PPP1R12A: variants seen among roughly 807,000 people sequenced by gnomAD.
The protein encoded by PPP1R12A is myosin binding subunit.
Under a neutral mutation model 139.6 loss-of-function variants are expected in PPP1R12A, and 19 were observed. The ratio of observed to expected loss-of-function variants is 0.14; its 90% CI spans 0.09 to 0.20. The LOEUF (loss-of-function observed/expected upper bound fraction) is 0.20, where lower values mean the gene tolerates loss of function less well. Ranked by LOEUF, PPP1R12A falls within the 10% of genes least tolerant of loss-of-function variation. The pLI, the probability that PPP1R12A is intolerant of heterozygous loss-of-function variation, is 1.00. For missense variants in PPP1R12A, 925 were observed against 1,211.5 expected, an observed-to-expected ratio of 0.76 and a Z score of 3.51; for synonymous variants, 427 against 420.6, an observed-to-expected ratio of 1.02 and a Z score of -0.19.
At chr12:79,866,374 A>C (rs1385699759) in intron 2 of PPP1R12A, among the ~76,000 whole-genome samples, 2 of 152,246 alleles carry the variant, frequency 1.3e-5, no homozygotes, top group East Asian at 1.9e-4. Context: ...AAATTCTAGA[A>C]GAAAACCTGG....
chr12:79,845,429 C>T lies in PPP1R12A; in HGVS notation c.369-9G>A. On this transcript the variant is annotated splice_polypyrimidine_tract_variant and intron_variant, in intron 2 of 24. Coordinates refer to ENST00000450142, the MANE Select transcript of PPP1R12A (RefSeq NM_002480.3). ...CTTGACCAATCAAAAACCTGTAAAA[C>T]CAAAGGAAAAATAGTTAAGCAAAAG... The T allele has an allele frequency of 6.4e-7, 1 of 1,570,832 alleles. No individual in the cohort carries two copies.
chr12:79,892,653 A>C (rs1037142981), intron 1 of PPP1R12A, among the ~76,000 whole-genome samples: 23 of 152,284 alleles, frequency 1.5e-4, no homozygotes, highest in African/African-American at 4.6e-4. Context: ...CAAAAGGGGA[A>C]GTAATAGGGC....
At chr12:79,794,848 TATAAAC>T (rs1403088342) in intron 18 of PPP1R12A, among the ~76,000 whole-genome samples, 1 of 152,108 alleles carries the variant, frequency 6.6e-6, no homozygotes, top group African/African-American at 2.4e-5. Flanking sequence ...AGATATATCT[TATAAAC>T]ATAACAGTTA....
intron 19 of PPP1R12A, 23 bp from the exon 20 acceptor site, chr12:79,790,506 A>G (rs1414607858): frequency 7.3e-7 from 1 of 1,377,142 alleles, no homozygotes; most frequent in South Asian, 1.5e-5. Context: ...AGAAAAACAT[A>G]GGCATACTAA....
intron 1 of PPP1R12A, among the ~76,000 whole-genome samples, chr12:79,908,773 T>C (rs1270055543): frequency 1.3e-5 from 2 of 152,184 alleles, no homozygotes. Flanking sequence ...AGTGTTCAGA[T>C]AAAGTTATTT....
chr12:79,834,216 A>G (rs1053339548), intron 3 of PPP1R12A, among the ~76,000 whole-genome samples: 1 of 152,202 alleles, frequency 6.6e-6, no homozygotes, highest in African/African-American at 2.4e-5. Flanking sequence ...TTCTTTGATG[A>G]CATTACAAGA....
At chr12:79,853,423 G>C (rs1880283630) in intron 2 of PPP1R12A, among the ~76,000 whole-genome samples, 1 of 152,098 alleles carries the variant, frequency 6.6e-6, no homozygotes, top group Non-Finnish European at 1.5e-5. Flanking sequence ...CCACCTTTCA[G>C]AGTCTTCTTG....
At chr12:79,882,272 A>G (rs1262315205) in intron 1 of PPP1R12A, among the ~76,000 whole-genome samples, 1 of 152,220 alleles carries the variant, frequency 6.6e-6, no homozygotes, top group Non-Finnish European at 1.5e-5. Context: ...AGAATTCACT[A>G]TTCTACATGC....
At position 79,906,540 on chromosome 12, in the gene PPP1R12A, G is replaced by A. The variant is rs1263408879; in HGVS notation, c.237+28155C>T. Among the ~76,000 whole-genome samples, 7 of 151,754 alleles carry A rather than the reference G, an allele frequency of 4.6e-5. No homozygotes were observed. The East Asian group carries it at 1.3e-3, about 29-fold the overall frequency. On this transcript the variant is annotated intron_variant, in intron 1 of 24. Transcript: ENST00000450142. Reference sequence around the variant, plus strand: ...ATTATCCATATTTAGCCAATATCAGGAAAAAAAGCAGCTTGCTTTAAATTG... The same window carrying A: ...ATTATCCATATTTAGCCAATATCAGAAAAAAAAGCAGCTTGCTTTAAATTG...
chr12:79,861,053 C>A lies in PPP1R12A; in HGVS notation c.368+11755G>T, dbSNP rs187212804. On this transcript the variant is annotated intron_variant, in intron 2 of 24. Transcript: ENST00000450142. ...GCTGATTTCGACCTGGAAACAATGA[C>A]CAACCCAATAGTAATGAGCACTCTC... Among the ~76,000 whole-genome samples the A allele has an allele frequency of 4.3e-3, 658 of 152,242 alleles. 6 individuals carry two copies. Among genetic ancestry groups the A allele is most frequent in the Admixed American group, 0.026 (392 of 15,280 alleles).
At chr12:79,886,142 T>C (rs1464464937) in intron 1 of PPP1R12A, among the ~76,000 whole-genome samples, 1 of 152,202 alleles carries the variant, frequency 6.6e-6, no homozygotes, top group Non-Finnish European at 1.5e-5. Flanking sequence ...AATTGGATAC[T>C]GTCCAAGCAA....
intron 21 of PPP1R12A, 145 bp from the exon 22 acceptor site, chr12:79,786,623 C>G (rs1436468963): frequency 3.8e-5 from 20 of 529,228 alleles, no homozygotes; most frequent in Middle Eastern, 9.7e-4. Context: ...TTCATGGTTG[C>G]AAAGCAGAGA....
chr12:79,875,455 TC>T (rs377549753), intron 1 of PPP1R12A, among the ~76,000 whole-genome samples: 33 of 151,834 alleles, frequency 2.2e-4, no homozygotes, highest in African/African-American at 7.7e-4. Flanking sequence ...GCAAGTGGCC[TC>T]TTTTTTTCTA....
intron 24 of PPP1R12A, chr12:79,777,185 G>A (rs911457446): frequency 1.1e-6 from 1 of 897,056 alleles, no homozygotes; most frequent in African/African-American, 1.8e-5. Flanking sequence ...GTTATATACT[G>A]TTGGTTTTCT....
chr12:79,899,232 A>AT (rs1371315655), intron 1 of PPP1R12A, among the ~76,000 whole-genome samples: 10 of 108,774 alleles, frequency 9.2e-5, no homozygotes, highest in African/African-American at 3.6e-4. Flanking sequence ...GAGATCTTAA[A>AT]AATATATATA....
At chr12:79,823,028 G>A (rs1272150805) in intron 5 of PPP1R12A, among the ~76,000 whole-genome samples, 1 of 151,988 alleles carries the variant, frequency 6.6e-6, no homozygotes, top group African/African-American at 2.4e-5. Context: ...ATATGTTTAA[G>A]CTGTTTAACA....
At chr12:79,777,214 A>C in intron 24 of PPP1R12A, 2 of 925,442 alleles carry the variant, frequency 2.2e-6, no homozygotes, top group Non-Finnish European at 2.6e-6. Context: ...AAGAACTGTA[A>C]ATAATAGTCA....
chr12:79,925,233 A>G (rs1489078204), intron 1 of PPP1R12A, among the ~76,000 whole-genome samples: 1 of 152,146 alleles, frequency 6.6e-6, no homozygotes, highest in Non-Finnish European at 1.5e-5. Flanking sequence ...GATGTTTATT[A>G]CAAGTAAAGG....
chr12:79,872,251 T>C (rs1038690943), intron 2 of PPP1R12A, among the ~76,000 whole-genome samples: 3 of 152,130 alleles, frequency 2.0e-5, no homozygotes, highest in Admixed American at 2.0e-4. Context: ...TTTCAAGATA[T>C]CTATACTTCC....
Sources: gnomAD v4.1 joint callset for allele counts (sites outside exome capture counted in the v4.1 genomes callset) on GRCh38, gnomAD v4.1.1 for gene constraint, MANE v1.5 for transcripts, NCBI Gene and HGNC (gene_info 2026-07-23, HGNC 2026-07-21) for gene names.